CCDC187: variants seen among roughly 807,000 people sequenced by gnomAD.
The protein encoded by CCDC187 is coiled-coil domain-containing protein 187.
In CCDC187, 32 loss-of-function variants were observed where a neutral mutation model predicts 38.0. The ratio of observed to expected loss-of-function variants is 0.84; its 90% CI spans 0.64 to 1.13. CCDC187 has a LOEUF of 1.13. Among genes scored for constraint, CCDC187 ranks in the 50% most tolerant of loss-of-function variants. The pLI, the probability that CCDC187 is intolerant of heterozygous loss-of-function variation, is 0.00. For synonymous variants in CCDC187, 333 were observed against 347.9 expected (o/e 0.96, Z 0.48); for missense variants, 707 against 786.8 (o/e 0.90, Z 1.21).
intron 14 of CCDC187, among the ~76,000 whole-genome samples, chr9:136,268,684 C>T (rs1830789144): frequency 1.3e-5 from 2 of 152,134 alleles, no homozygotes; most frequent in African/African-American, 4.8e-5. Context: ...GAAAAAATCA[C>T]GTAAATACAC....
rs1157062178 is a variant in CCDC187 at position 136,255,034 on chromosome 9, A to G, written c.4794T>C (p.Ala1598=). 2.0e-6 allele frequency: 2 copies of G among 985,408 alleles called. No homozygotes were observed. Among genetic ancestry groups the G allele is most frequent in the Non-Finnish European group, 2.4e-6 (2 of 830,020 alleles). 61.0% of individuals were successfully genotyped at this position (985,408 alleles called of 1,614,324 possible). A position where few individuals can be genotyped will look rare whatever the true frequency, so the allele number is the denominator to read the frequency against. Residue 1598 remains alanine, a synonymous_variant, in exon 26 of 26, where the codon GCT becomes GCC. Transcript: ENST00000638797. ...CCGAAGGCCCCCAGCAGGTTCCAGA[A>G]GCAGACTCAGAGCCTGGACCGCAGG... ...TSSCGPGSES[A]SGTCWGPSEE...
intron 16 of CCDC187, chr9:136,266,909 C>A (rs1439673298): frequency 6.6e-6 from 1 of 152,076 alleles, no homozygotes; most frequent in Non-Finnish European, 1.5e-5. Flanking sequence ...ATGGAGAAAC[C>A]CCATCTCTAC....
intron 4 of CCDC187, among the ~76,000 whole-genome samples, chr9:136,295,353 A>G (rs1831510095): frequency 6.6e-6 from 1 of 152,204 alleles, no homozygotes; most frequent in African/African-American, 2.4e-5. Context: ...CCGCTCGATA[A>G]ATGGGTCCTG....
intron 8 of CCDC187, 102 bp from the exon 9 acceptor site, chr9:136,285,708 CA>C (rs1831162599): frequency 7.5e-6 from 3 of 397,846 alleles, no homozygotes; most frequent in African/African-American, 2.1e-5. Context: ...ACACACCTGA[CA>C]GGGGTGGGGG....
chr9:136,299,520 C>G (rs962993496), intron 3 of CCDC187, among the ~76,000 whole-genome samples: 31 of 152,320 alleles, frequency 2.0e-4, no homozygotes, highest in African/African-American at 6.7e-4. Flanking sequence ...TCTCTGGACT[C>G]GAGAGAGCCT....
chr9:136,291,083 C>T lies in CCDC187; in HGVS notation c.1530G>A (p.Gln510=), dbSNP rs1831316055. 1 of 398,508 alleles carries T rather than the reference C, an allele frequency of 2.5e-6. No individual in the cohort carries two copies. Among genetic ancestry groups the T allele is most frequent in the African/African-American group, 2.1e-5 (1 of 48,596 alleles). 24.7% of individuals were successfully genotyped at this position (398,508 alleles called of 1,614,324 possible). Residue 510 remains glutamine (Q), a synonymous_variant, in exon 6 of 26, where the codon CAG becomes CAA. Transcript: ENST00000638797. ...TCCCAGGCCTCTGGGAGGAGGGGCC[C>T]TGTCTTTGGGCCCCCCAGGCCCTCT... ...SPQRAWGAQR[Q]GPSSQRPGSP... is the part of the protein sequence containing the mutation.
intron 4 of CCDC187, among the ~76,000 whole-genome samples, chr9:136,293,146 CACAA>C (rs1278371118): frequency 7.4e-5 from 11 of 148,356 alleles, no homozygotes; most frequent in African/African-American, 2.0e-4. Flanking sequence ...CTCACACACT[CACAA>C]ACACATGCTC....
chr9:136,293,794 A>T (rs1831447549), intron 4 of CCDC187, among the ~76,000 whole-genome samples: 1 of 151,726 alleles, frequency 6.6e-6, no homozygotes, highest in South Asian at 2.1e-4. Context: ...ATCCTCACAC[A>T]CTTTCACACA....
In CCDC187 at chr9:136,263,645, G is replaced by C; in HGVS notation, c.3889C>G (p.Gln1297Glu). ...ACCTGCTGCAGCTTGGCCTGGGCCT[G>C]CAGCTCGTGCGCTGGGACGACGTCC... is the stretch of plus-strand genomic sequence containing the variant. ...PTDVVPAHELQAQAKLQQGSS... is the reference protein window; with the variant it reads ...PTDVVPAHELEAQAKLQQGSS... The change falls in exon 18 of 26, where the codon CAG becomes GAG. Residue 1297 changes from glutamine to glutamate, a missense_variant. Physicochemically the swap from Gln to Glu is conservative, Grantham distance 29. Coordinates refer to ENST00000638797, the MANE Select transcript of CCDC187 (RefSeq NM_001378188.1). The C allele has an allele frequency of 1.0e-6, 1 of 985,472 alleles. No homozygotes were observed. Among genetic ancestry groups the C allele is most frequent in the Non-Finnish European group, 1.2e-6 (1 of 829,938 alleles). 61.0% of individuals were successfully genotyped at this position (985,472 alleles called of 1,614,324 possible).
chr9:136,270,263 G>A (rs1472161770), intron 14 of CCDC187, among the ~76,000 whole-genome samples: 2 of 152,160 alleles, frequency 1.3e-5, no homozygotes, highest in Non-Finnish European at 2.9e-5. Flanking sequence ...ATCAAGAAGC[G>A]GAGACAGGTA....
intron 24 of CCDC187, among the ~76,000 whole-genome samples, chr9:136,255,968 G>T (rs1487067663): frequency 6.6e-6 from 1 of 152,150 alleles, no homozygotes; most frequent in Non-Finnish European, 1.5e-5. Context: ...GGGGGGTGGG[G>T]CTGCCACTCC....
intron 9 of CCDC187, among the ~76,000 whole-genome samples, chr9:136,283,939 G>A (rs1459166142): frequency 6.6e-6 from 1 of 152,196 alleles, no homozygotes; most frequent in African/African-American, 2.4e-5. Flanking sequence ...CCATGGGCCG[G>A]ACTGGGCCTG....
At chr9:136,294,003 T>TAC (rs1224799769) in intron 4 of CCDC187, among the ~76,000 whole-genome samples, 1 of 138,242 alleles carries the variant, frequency 7.2e-6, no homozygotes, top group Non-Finnish European at 1.6e-5. Flanking sequence ...CACACTCATA[T>TAC]ACACACGCCC....
chr9:136,291,237 C>A lies in CCDC187; in HGVS notation c.1376G>T (p.Cys459Phe). 1 of 398,804 alleles carries A rather than the reference C, an allele frequency of 2.5e-6. No individual in the cohort carries two copies. The highest frequency in any genetic ancestry group is 4.4e-6 in the Non-Finnish European group (1 of 226,178). 24.7% of individuals were successfully genotyped at this position (398,804 alleles called of 1,614,324 possible). The change falls in exon 6 of 26, where the codon TGT becomes TTT. Residue 459 changes from cysteine (C) to phenylalanine (F), a missense_variant. By Grantham distance (205) the Cys-to-Phe change is radical. Coordinates refer to ENST00000638797, the MANE Select transcript of CCDC187 (RefSeq NM_001378188.1). Reference protein sequence around the residue: ...PWSSSTARESCPQRAWGAQGQ... With the variant: ...PWSSSTARESFPQRAWGAQGQ... ...TTGGGCCCCCCAGGCCCTCTGCGGACAGGACTCCCGTGCAGTGGAGGAGCT... is the reference window on the plus strand; with the variant it reads ...TTGGGCCCCCCAGGCCCTCTGCGGAAAGGACTCCCGTGCAGTGGAGGAGCT...
At chr9:136,282,077 T>G (rs892259326) in intron 9 of CCDC187, among the ~76,000 whole-genome samples, 5 of 152,162 alleles carry the variant, frequency 3.3e-5, no homozygotes, top group African/African-American at 1.2e-4. Flanking sequence ...AGGGCCAAGA[T>G]CAGAGTCTTC....
chr9:136,253,754 C>T lies in CCDC187; in HGVS notation c.6074G>A (p.Gly2025Asp). The T allele has an allele frequency of 1.0e-6, 1 of 985,592 alleles. No homozygotes were observed. Among genetic ancestry groups the T allele is most frequent in the Non-Finnish European group, 1.2e-6 (1 of 829,994 alleles). The allele number at this position is 985,592 out of a possible 1,614,324, so 61.1% of individuals were successfully genotyped here. A position where few individuals can be genotyped will look rare whatever the true frequency, so the allele number is the denominator to read the frequency against. The part of the protein sequence containing the change: ...PPPTPQAQSD[G>D]EDTNPCSDAF... Reference sequence around the variant, plus strand: ...ATCCGAGCATGGGTTGGTGTCTTCACCATCACTCTGTGCTTGGGGAGTGGG... The same window carrying T: ...ATCCGAGCATGGGTTGGTGTCTTCATCATCACTCTGTGCTTGGGGAGTGGG... The change falls in exon 26 of 26, where the codon GGT becomes GAT. Residue 2025 changes from glycine to aspartate, a missense_variant. By Grantham distance (94) the Gly-to-Asp change is moderately conservative. Transcript: ENST00000638797.
chr9:136,278,368 G>C (rs1408706584), intron 10 of CCDC187, among the ~76,000 whole-genome samples: 1 of 152,170 alleles, frequency 6.6e-6, no homozygotes, highest in South Asian at 2.1e-4. Flanking sequence ...GACATGGGGG[G>C]ACATGAGCTG....
Position 136,250,675 on chromosome 9 carries a change from C to A in CCDC187, c.*2919G>T. The A allele has an allele frequency of 2.2e-6, 1 of 451,548 alleles. No individual in the cohort carries two copies. The allele number at this position is 451,548 out of a possible 1,614,324, so 28.0% of individuals were successfully genotyped here. ...AGCAGGAACACATTCCCCACTGGAT[C>A]CAAACATCTGCATTCTCAGGTGGGC... On this transcript the variant is annotated 3_prime_UTR_variant, in exon 26 of 26. Coordinates refer to ENST00000638797, the MANE Select transcript of CCDC187 (RefSeq NM_001378188.1).
chr9:136,286,961 C>T (rs1831197640), intron 7 of CCDC187, among the ~76,000 whole-genome samples: 1 of 152,192 alleles, frequency 6.6e-6, no homozygotes, highest in East Asian at 1.9e-4. Flanking sequence ...CTGCTGTGGC[C>T]AGAGGCAGTT....
Sources: allele counts gnomAD v4.1 joint callset (sites outside exome capture counted in the v4.1 genomes callset), GRCh38; gene constraint gnomAD v4.1.1; transcripts MANE v1.5; gene names NCBI Gene and HGNC (gene_info 2026-07-23, HGNC 2026-07-21).